EXOC6B: variants seen among roughly 807,000 people sequenced by gnomAD.
EXOC6B encodes the protein exocyst complex component 6B, also known as SEC15 homolog B.
EXOC6B carries 54 observed loss-of-function variants against 113.5 expected under a neutral mutation model. That is an observed-to-expected ratio of 0.48 (90% CI 0.38 to 0.60). EXOC6B has a LOEUF of 0.60. Among genes scored for constraint, EXOC6B ranks in the 20% least tolerant of loss-of-function variants. The probability of loss-of-function intolerance (pLI) is 0.00; values close to 1 mark genes in which losing one functional copy is unlikely to be tolerated. For synonymous variants in EXOC6B, 357 were observed against 339.0 expected, an observed-to-expected ratio of 1.05 and a Z score of -0.58; for missense variants, 797 against 977.5, an observed-to-expected ratio of 0.82 and a Z score of 2.46.
intron 20 of EXOC6B, among the ~76,000 whole-genome samples, chr2:72,197,739 T>C (rs41394): frequency 0.35 from 52,409 of 151,818 alleles, 10,465 homozygotes; most frequent in African/African-American, 0.54. Context: ...AAGACTAAAA[T>C]GTGATCACAA....
intron 12 of EXOC6B, 48 bp downstream of exon 12, chr2:72,499,853 G>T: frequency 1.5e-6 from 2 of 1,335,040 alleles, no homozygotes; most frequent in South Asian, 1.3e-5. Context: ...GTTTAGAGCT[G>T]ATTATAATAC....
chr2:72,796,994 A>C (rs903751498), intron 1 of EXOC6B, among the ~76,000 whole-genome samples: 2 of 152,260 alleles, frequency 1.3e-5, no homozygotes, highest in Non-Finnish European at 2.9e-5. Context: ...TCAATTTAAA[A>C]TACTTCTCAG....
Position 72,360,011 on chromosome 2 carries a change from C to T in EXOC6B, c.2122+19718G>A, listed in dbSNP as rs77461754. 6.4e-3 allele frequency among the ~76,000 whole-genome samples: 980 copies of T among 152,292 alleles called. 18 individuals carry two copies. Among genetic ancestry groups the T allele is most frequent in the African/African-American group, 0.022 (911 of 41,558 alleles). On this transcript the variant is annotated intron_variant, in intron 19 of 21. Transcript: ENST00000272427. ...CTGAGGCCCTCACCAAAATGAGATG[C>T]TGGCACCATGCTTCTTGTACAGCTT...
In EXOC6B at chr2:72,184,129, G is replaced by A; in HGVS notation, c.2255C>T (p.Pro752Leu). 6.4e-7 allele frequency: 1 copy of A among 1,565,832 alleles called. No individual in the cohort carries two copies. Among genetic ancestry groups the A allele is most frequent in the Non-Finnish European group, 8.7e-7 (1 of 1,154,604 alleles). Reference sequence around the variant, plus strand: ...GTTTACCCGGAGGTACTTGCAGTTGGGCTGACCATAGTCAGCAAGGTAGGT... The same window carrying A: ...GTTTACCCGGAGGTACTTGCAGTTGAGCTGACCATAGTCAGCAAGGTAGGT... ...WSTYLADYGQ[P>L]NCKYLRVNPV... is the part of the protein sequence containing the mutation. The change falls in exon 21 of 22, where the codon CCC becomes CTC. Residue 752 changes from proline to leucine, a missense_variant. Coordinates refer to ENST00000272427, the MANE Select transcript of EXOC6B (RefSeq NM_015189.3).
chr2:72,245,384 G>A (rs1295549067), intron 20 of EXOC6B, among the ~76,000 whole-genome samples: 2 of 151,906 alleles, frequency 1.3e-5, no homozygotes, highest in African/African-American at 2.4e-5. Context: ...AATTTAATAA[G>A]AGTCTTTTCA....
At chr2:72,479,264 T>G (rs951288854) in intron 17 of EXOC6B, among the ~76,000 whole-genome samples, 9 of 152,202 alleles carry the variant, frequency 5.9e-5, no homozygotes, top group Non-Finnish European at 7.4e-5. Flanking sequence ...CCTAATCACA[T>G]AGATACATAA....
chr2:72,601,171 T>TGC (rs1224205705), intron 6 of EXOC6B, among the ~76,000 whole-genome samples: 44 of 149,868 alleles, frequency 2.9e-4, no homozygotes, highest in African/African-American at 1.0e-3. Flanking sequence ...TGTGTGTGTG[T>TGC]GTGTGTATAT....
At chr2:72,497,021 T>C (rs1361481549) in intron 13 of EXOC6B, among the ~76,000 whole-genome samples, 6 of 150,382 alleles carry the variant, frequency 4.0e-5, no homozygotes, top group Admixed American at 1.3e-4. Context: ...TCACCCAGGC[T>C]GGATTGCAGT....
intron 16 of EXOC6B, among the ~76,000 whole-genome samples, chr2:72,488,811 A>G (rs1299390995): frequency 6.6e-6 from 1 of 152,164 alleles, no homozygotes; most frequent in African/African-American, 2.4e-5. Flanking sequence ...TCTCACTACC[A>G]TGGTCAATGT....
intron 8 of EXOC6B, among the ~76,000 whole-genome samples, chr2:72,527,394 T>C (rs1428533717): frequency 6.6e-6 from 1 of 151,956 alleles, no homozygotes; most frequent in African/African-American, 2.4e-5. Flanking sequence ...TCCTTTATAT[T>C]GCTGTGTAGT....
intron 1 of EXOC6B, among the ~76,000 whole-genome samples, chr2:72,794,187 T>C (rs1372818706): frequency 1.3e-5 from 2 of 152,218 alleles, no homozygotes; most frequent in African/African-American, 4.8e-5. Flanking sequence ...ACACAGATAA[T>C]CTGCCAGTTG....
At chr2:72,442,410 T>A (rs139623545) in intron 18 of EXOC6B, among the ~76,000 whole-genome samples, 1 of 152,066 alleles carries the variant, frequency 6.6e-6, no homozygotes, top group East Asian at 1.9e-4. Context: ...GCCAAGGAAA[T>A]CAGGCAAGAG....
intron 11 of EXOC6B, among the ~76,000 whole-genome samples, chr2:72,512,345 A>AAAGAAGGAAGGAAGGAAGGG: frequency 8.4e-5 from 1 of 11,898 alleles, no homozygotes; most frequent in African/African-American, 1.9e-4. Context: ...GGAAGGAAGG[A>AAAGAAGGAAGGAAGGAAGGG]AGGAAGGAAG....
At chr2:72,198,817 T>C (rs1446310303) in intron 20 of EXOC6B, among the ~76,000 whole-genome samples, 2 of 152,170 alleles carry the variant, frequency 1.3e-5, no homozygotes, top group African/African-American at 4.8e-5. Flanking sequence ...ACTTACACAA[T>C]TCAACAGGAA....
intron 20 of EXOC6B, among the ~76,000 whole-genome samples, chr2:72,253,310 A>T (rs1228339536): frequency 6.6e-6 from 1 of 152,240 alleles, no homozygotes; most frequent in Non-Finnish European, 1.5e-5. Flanking sequence ...AACTTAAAAC[A>T]GAATTACCAT....
rs1469344491 is a variant in EXOC6B, at chr2:72,181,923, C to T, written c.2309+2152G>A. Among the ~76,000 whole-genome samples, 8 of 152,340 alleles carry T rather than the reference C, an allele frequency of 5.3e-5. 1 individual carries two copies. The highest frequency in any genetic ancestry group is 4.6e-4 in the Admixed American group (7 of 15,310). On this transcript the variant is annotated intron_variant, in intron 21 of 21. Coordinates refer to ENST00000272427, the MANE Select transcript of EXOC6B (RefSeq NM_015189.3). Reference sequence around the variant, plus strand: ...TCTACTTTATTAACAGCTATGGCCACCTCTCAATGATGCAGGGGCCACTTC... The same window carrying T: ...TCTACTTTATTAACAGCTATGGCCATCTCTCAATGATGCAGGGGCCACTTC...
intron 20 of EXOC6B, among the ~76,000 whole-genome samples, chr2:72,256,939 C>T (rs1683389041): frequency 6.6e-6 from 1 of 152,110 alleles, no homozygotes; most frequent in Non-Finnish European, 1.5e-5. Flanking sequence ...AAGCAGGTAT[C>T]TGGAATCTAT....
chr2:72,500,489 A>C, intron 11 of EXOC6B, among the ~76,000 whole-genome samples: 1 of 152,284 alleles, frequency 6.6e-6, no homozygotes, highest in Admixed American at 6.5e-5. Context: ...AATGAAATTA[A>C]AAAAGATATG....
At chr2:72,456,042 A>G (rs1301069109) in intron 18 of EXOC6B, among the ~76,000 whole-genome samples, 1 of 152,132 alleles carries the variant, frequency 6.6e-6, no homozygotes, top group Non-Finnish European at 1.5e-5. Context: ...CTCAGCTTCC[A>G]TATTTGTTAA....
Sources: allele counts gnomAD v4.1 joint callset (sites outside exome capture counted in the v4.1 genomes callset), GRCh38; gene constraint gnomAD v4.1.1; transcripts MANE v1.5; gene names NCBI Gene and HGNC (gene_info 2026-07-23, HGNC 2026-07-21).